Variants in BCL11B observed in about 807,000 individuals in gnomAD.
BCL11B encodes the protein B-cell lymphoma/leukemia 11B.
Under a neutral mutation model 49.9 loss-of-function variants are expected in BCL11B, and 8 were observed. The ratio of observed to expected loss-of-function variants is 0.16; its 90% CI spans 0.09 to 0.29. The LOEUF is 0.29. Ranked by LOEUF, BCL11B falls within the 10% of genes least tolerant of loss-of-function variation. The pLI is 1.00. For missense variants in BCL11B, 1,006 were observed against 1,351.0 expected (o/e 0.74, Z 4.00); for synonymous variants, 739 against 637.4 (o/e 1.16, Z -2.40).
In BCL11B at chr14:99,175,941, G is replaced by T; in HGVS notation, c.895C>A (p.Leu299Met). 1 of 1,453,868 alleles carries T rather than the reference G, an allele frequency of 6.9e-7. No homozygotes were observed. The highest frequency in any genetic ancestry group is 9.1e-7 in the Non-Finnish European group (1 of 1,104,228). 90.1% of individuals were successfully genotyped at this position (1,453,868 alleles called of 1,614,324 possible). Residue 299 changes from leucine (L) to methionine (M), a missense_variant, in exon 4 of 4, where the codon CTG becomes ATG. By Grantham distance (15) the Leu-to-Met change is conservative. This residue lies in a region of BCL11B where 411 missense variants were observed against 542.2 expected (regional missense o/e 0.76). Coordinates refer to ENST00000357195, the MANE Select transcript of BCL11B (RefSeq NM_138576.4). The part of the protein sequence containing the change: ...FNLLRMTGPI[L>M]RDHPGFGEGR... ...TCGCCGAAGCCCGGGTGGTCCCGCA[G>T]GATGGGGCCCGTCATGCGCAGCAGG...
intron 3 of BCL11B, among the ~76,000 whole-genome samples, chr14:99,176,922 T>C (rs986509605): frequency 6.8e-6 from 1 of 148,132 alleles, no homozygotes; most frequent in Non-Finnish European, 1.5e-5. Context: ...CCTGCAAACT[T>C]TTTTTTTTTT....
chr14:99,199,676 G>GCA (rs1887295119), intron 3 of BCL11B, among the ~76,000 whole-genome samples: 2 of 70,386 alleles, frequency 2.8e-5, no homozygotes, highest in Non-Finnish European at 3.4e-5. Flanking sequence ...GTGTGTGTGT[G>GCA]TGTGTGTGCG....
At chr14:99,227,343 C>T (rs940166949) in intron 3 of BCL11B, among the ~76,000 whole-genome samples, 2 of 152,128 alleles carry the variant, frequency 1.3e-5, no homozygotes, top group African/African-American at 4.8e-5. Context: ...ATCCCCAGAA[C>T]GACCCTTCAG....
chr14:99,257,384 C>A lies in BCL11B; in HGVS notation c.427+87G>T. The A allele has an allele frequency of 6.7e-7, 1 of 1,487,412 alleles. No individual in the cohort carries two copies. The highest frequency in any genetic ancestry group is 9.0e-7 in the Non-Finnish European group (1 of 1,114,834). The allele number at this position is 1,487,412 out of a possible 1,614,324, so 92.1% of individuals were successfully genotyped here. A position where few individuals can be genotyped will look rare whatever the true frequency, so the allele number is the denominator to read the frequency against. On this transcript the variant is annotated intron_variant, in intron 2 of 3. Coordinates refer to ENST00000357195, the MANE Select transcript of BCL11B (RefSeq NM_138576.4). This position sits in a 1 kb window ranked among gnomAD's most constrained non-coding sequence, Gnocchi z 6.2. The stretch of plus-strand genomic sequence containing the variant: ...GAGGCCATCCTGGAAGCCCCTGGGC[C>A]TTCCCCTGCACCAGCACACTCAGGC...
In BCL11B at chr14:99,218,232, A is replaced by ATTTTTT. The variant is rs34932370; in HGVS notation, c.640+13107_640+13112dup. Among the ~76,000 whole-genome samples, 257 of 112,848 alleles carry ATTTTTT rather than the reference A, an allele frequency of 2.3e-3. 1 individual carries two copies. The highest frequency in any genetic ancestry group is 3.7e-3 in the Non-Finnish European group (208 of 56,286). The allele number at this position is 112,848 out of a possible 152,430, so 74.0% of individuals were successfully genotyped here. A position where few individuals can be genotyped will look rare whatever the true frequency, so the allele number is the denominator to read the frequency against. On this transcript the variant is annotated intron_variant, in intron 3 of 3. Coordinates refer to ENST00000357195, the MANE Select transcript of BCL11B (RefSeq NM_138576.4). ...AGGCACCCGCCACCATGCCTGGCTA[A>ATTTTTT]TTTTTTTTTTTTTTTTTTTTTGTAT...
intron 3 of BCL11B, among the ~76,000 whole-genome samples, chr14:99,207,852 G>C (rs1383172369): frequency 6.6e-6 from 1 of 152,148 alleles, no homozygotes; most frequent in East Asian, 1.9e-4. Flanking sequence ...CAGCAGCCCT[G>C]AGGGACAGGG....
Position 99,171,258 on chromosome 14 carries a change from C to T in BCL11B, c.*2893G>A, listed in dbSNP as rs568448407. 3.5e-5 allele frequency: 8 copies of T among 226,958 alleles called. No individual in the cohort carries two copies. The highest frequency in any genetic ancestry group is 1.3e-3 in the Middle Eastern group (1 of 748). The allele number at this position is 226,958 out of a possible 1,614,324, so 14.1% of individuals were successfully genotyped here. ...TATATACAACTAAATGATTTGTGAA[C>T]CAAAGCATTTAACTACTTCCTTTTG... On this transcript the variant is annotated 3_prime_UTR_variant, in exon 4 of 4. Coordinates refer to ENST00000357195, the MANE Select transcript of BCL11B (RefSeq NM_138576.4).
rs957298414 is a variant in BCL11B, at chr14:99,262,969, C to T, written c.59-5130G>A. ...CGACAAGAGATTTTATGAAGTTCCC[C>T]TAACGGAGGGAATAATGAAGTGCCT... On this transcript the variant is annotated intron_variant, in intron 1 of 3. Transcript: ENST00000357195. This position sits in a 1 kb window ranked among gnomAD's most constrained non-coding sequence, Gnocchi z 4.2. 2.6e-5 allele frequency: 4 copies of T among 152,014 alleles called. No homozygotes were observed. The highest frequency in any genetic ancestry group is 9.7e-5 in the African/African-American group (4 of 41,332). 9.4% of individuals were successfully genotyped at this position (152,014 alleles called of 1,614,324 possible). A position where few individuals can be genotyped will look rare whatever the true frequency, so the allele number is the denominator to read the frequency against.
In BCL11B at chr14:99,271,281, G is replaced by T; in HGVS notation, c.-63C>A. 8.2e-7 allele frequency: 1 copy of T among 1,218,258 alleles called. No individual in the cohort carries two copies. The highest frequency in any genetic ancestry group is 1.0e-6 in the Non-Finnish European group (1 of 971,154). 75.5% of individuals were successfully genotyped at this position (1,218,258 alleles called of 1,614,324 possible). On this transcript the variant is annotated 5_prime_UTR_variant, in exon 1 of 4. Coordinates refer to ENST00000357195, the MANE Select transcript of BCL11B (RefSeq NM_138576.4). The stretch of plus-strand genomic sequence containing the variant: ...CACTGATGGGGGGAGCCGGGGGAGG[G>T]GGTCCGAGCCGCCGCCGCGCCGCTG...
intron 3 of BCL11B, among the ~76,000 whole-genome samples, chr14:99,206,912 C>T (rs865982140): frequency 3.9e-5 from 6 of 152,160 alleles, no homozygotes; most frequent in Non-Finnish European, 8.8e-5. Context: ...ACTTGGCCCA[C>T]GAACCCTAAA....
chr14:99,197,379 A>G lies in BCL11B; in HGVS notation c.641-21184T>C, dbSNP rs74080347. The stretch of plus-strand genomic sequence containing the variant: ...GTCAGCTGAAGTCAGTATGCAAAGC[A>G]GGGTCTCCCACTCTGGATTCAGGGC... On this transcript the variant is annotated intron_variant, in intron 3 of 3. Transcript: ENST00000357195. Among the ~76,000 whole-genome samples the G allele has an allele frequency of 7.2e-3, 1,095 of 152,324 alleles. 10 individuals carry two copies. The highest frequency in any genetic ancestry group is 0.025 in the African/African-American group (1,038 of 41,562).
In BCL11B at chr14:99,269,526, C is replaced by A. The variant is rs369012111; in HGVS notation, c.58+1635G>T. Among the ~76,000 whole-genome samples, 1,319 of 148,102 alleles carry A rather than the reference C, an allele frequency of 8.9e-3. 32 individuals are homozygous for A. Among genetic ancestry groups the A allele is most frequent in the African/African-American group, 0.031 (1,229 of 39,560 alleles). ...ACTTTAATTTCTATTCCCCCCCCCC[C>A]AAAAAAAATCATAATAAATCCACAA... On this transcript the variant is annotated intron_variant, in intron 1 of 3. Transcript: ENST00000357195.
intron 3 of BCL11B, among the ~76,000 whole-genome samples, chr14:99,227,501 G>A (rs1400145792): frequency 6.6e-6 from 1 of 152,110 alleles, no homozygotes; most frequent in Non-Finnish European, 1.5e-5. Context: ...CTCAGAACAG[G>A]GAAGGATTCT....
chr14:99,218,815 A>C (rs1887928426), intron 3 of BCL11B, among the ~76,000 whole-genome samples: 1 of 152,156 alleles, frequency 6.6e-6, no homozygotes, highest in Non-Finnish European at 1.5e-5. Context: ...GGTGTGACTA[A>C]GTGAAGGCTG....
chr14:99,211,988 G>T (rs1186341878), intron 3 of BCL11B, among the ~76,000 whole-genome samples: 1 of 151,930 alleles, frequency 6.6e-6, no homozygotes, highest in Admixed American at 6.6e-5. Context: ...CATCCCAGCA[G>T]AAGAGTTGGT....
intron 2 of BCL11B, among the ~76,000 whole-genome samples, chr14:99,255,408 A>AG (rs1370983982): frequency 1.5e-5 from 1 of 66,330 alleles, no homozygotes; most frequent in Non-Finnish European, 2.6e-5. Flanking sequence ...CAACCTGGAA[A>AG]AAAAAAAAAA....
At position 99,173,112 on chromosome 14, in the gene BCL11B, A is replaced by C. The variant is rs1886343695; in HGVS notation, c.*1039T>G. Reference sequence around the variant, plus strand: ...GATTTAAAAAAAGAGAGAAGCCGTCAAGCCAGAAAACGCCTAAAAGAACAC... The same window carrying C: ...GATTTAAAAAAAGAGAGAAGCCGTCCAGCCAGAAAACGCCTAAAAGAACAC... On this transcript the variant is annotated 3_prime_UTR_variant, in exon 4 of 4. Coordinates refer to ENST00000357195, the MANE Select transcript of BCL11B (RefSeq NM_138576.4). 3 of 230,748 alleles carry C rather than the reference A, an allele frequency of 1.3e-5. No homozygotes were observed. The Admixed American group carries it at 1.7e-4, about 13-fold the overall frequency. The allele number at this position is 230,748 out of a possible 1,614,324, so 14.3% of individuals were successfully genotyped here.
chr14:99,213,758 C>T lies in BCL11B; in HGVS notation c.640+17587G>A, dbSNP rs1887753295. On this transcript the variant is annotated intron_variant, in intron 3 of 3. Transcript: ENST00000357195. The surrounding 1 kb of genome is among the most constrained non-coding windows in gnomAD (Gnocchi z 5.1). ...AGGGACTTGGGGCACATCCTGTCCC[C>T]TCTCTGGGGCACTGCTTGGAGAGCA... Among the ~76,000 whole-genome samples, 1 of 152,184 alleles carries T rather than the reference C, an allele frequency of 6.6e-6. No homozygotes were observed. The highest frequency in any genetic ancestry group is 1.5e-5 in the Non-Finnish European group (1 of 68,030).
At chr14:99,200,138 C>G (rs1595239928) in intron 3 of BCL11B, among the ~76,000 whole-genome samples, 1 of 151,896 alleles carries the variant, frequency 6.6e-6, no homozygotes, top group Non-Finnish European at 1.5e-5. Flanking sequence ...CTTATTGACA[C>G]ACATCACGGG....
Sources: gnomAD v4.1 joint callset for allele counts (sites outside exome capture counted in the v4.1 genomes callset) on GRCh38, gnomAD v4.1.1 for gene constraint, gnomAD v4.1.1 regional missense constraint, Gnocchi (gnomAD v3.1) non-coding constraint, MANE v1.5 for transcripts, NCBI Gene and HGNC (gene_info 2026-07-23, HGNC 2026-07-21) for gene names.